The following TECR variants were observed in gnomAD, a reference collection of about 807,000 sequenced individuals.
The protein encoded by TECR is very-long-chain enoyl-CoA reductase.
TECR carries 19 observed loss-of-function variants against 50.6 expected under a neutral mutation model. The observed-to-expected ratio is 0.38, with a 90% CI of 0.26 to 0.55. The LOEUF is 0.55. Among genes scored for constraint, TECR ranks in the 20% least tolerant of loss-of-function variants. The pLI is 0.79. For synonymous variants in TECR, 168 were observed against 163.5 expected, an observed-to-expected ratio of 1.03 and a Z score of -0.21; for missense variants, 313 against 408.3, an observed-to-expected ratio of 0.77 and a Z score of 2.01.
At chr19:14,550,899 T>C (rs1259881141) in intron 1 of TECR, among the ~76,000 whole-genome samples, 1 of 151,964 alleles carries the variant, frequency 6.6e-6, no homozygotes, top group East Asian at 1.9e-4. Context: ...GTCGAACTCC[T>C]GACCTCAGAT....
rs1978626 is a variant in TECR, at chr19:14,560,229, G to T, written c.16-2296G>T. 1.1e-3 allele frequency among the ~76,000 whole-genome samples: 168 copies of T among 151,750 alleles called. 1 individual carries two copies. The highest frequency in any genetic ancestry group is 2.0e-3 in the Non-Finnish European group (134 of 67,858). On this transcript the variant is annotated intron_variant, in intron 1 of 12. Coordinates refer to ENST00000215567, the MANE Select transcript of TECR (RefSeq NM_138501.6). The stretch of plus-strand genomic sequence containing the variant: ...TTGGTGCCCAGGTTGGGGGGAGCAG[G>T]GTACGATTTCACCCCTCCCACTAGC...
chr19:14,544,114 A>G (rs73002851), intron 1 of TECR, among the ~76,000 whole-genome samples: 50,381 of 151,602 alleles, frequency 0.33, 9,039 homozygotes, highest in Non-Finnish European at 0.42. Context: ...TCCCTATCCA[A>G]ATACTGGTGT....
At chr19:14,530,941 CT>C (rs143542844) in intron 1 of TECR, 1 of 152,330 alleles carries the variant, frequency 6.6e-6, no homozygotes, top group African/African-American at 2.4e-5. Flanking sequence ...CTCCCCATTC[CT>C]CTCCACCTCC....
chr19:14,540,038 C>T (rs931414994), intron 1 of TECR, among the ~76,000 whole-genome samples: 4 of 151,242 alleles, frequency 2.6e-5, no homozygotes, highest in African/African-American at 9.7e-5. Flanking sequence ...CGCCACCATG[C>T]CTGGCTAATT....
At chr19:14,558,473 G>GTGC (rs1193210700) in intron 1 of TECR, among the ~76,000 whole-genome samples, 2 of 152,164 alleles carry the variant, frequency 1.3e-5, no homozygotes, top group Non-Finnish European at 2.9e-5. Context: ...CCCTGACCTC[G>GTGC]TGCTGCGACG....
At chr19:14,551,895 TTC>T (rs140348006) in intron 1 of TECR, among the ~76,000 whole-genome samples, 2,116 of 145,146 alleles carry the variant, frequency 0.015, 23 homozygotes, top group Non-Finnish European at 0.024. Context: ...TTTCTTTCCT[TTC>T]TCTCTCTCTC....
chr19:14,557,104 T>G (rs1322408909), intron 1 of TECR, among the ~76,000 whole-genome samples: 1 of 145,210 alleles, frequency 6.9e-6, no homozygotes, highest in African/African-American at 2.5e-5. Flanking sequence ...TCTGCTAGTG[T>G]TGGTCTAATC....
chr19:14,549,563 G>C (rs1456689673), intron 1 of TECR, among the ~76,000 whole-genome samples: 2 of 152,034 alleles, frequency 1.3e-5, no homozygotes, highest in Non-Finnish European at 2.9e-5. Context: ...TTGGGCTCAA[G>C]TGATCCTCCT....
intron 1 of TECR, among the ~76,000 whole-genome samples, chr19:14,534,347 A>C (rs1311383680): frequency 2.1e-5 from 3 of 140,078 alleles, no homozygotes; most frequent in Admixed American, 1.5e-4. Flanking sequence ...GATGGTCTCG[A>C]TCTCCTGACC....
chr19:14,555,333 C>T (rs1460164284), intron 1 of TECR, among the ~76,000 whole-genome samples: 1 of 151,434 alleles, frequency 6.6e-6, no homozygotes, highest in Admixed American at 6.6e-5. Flanking sequence ...ACTGCAACCT[C>T]TGCCTCCTGG....
chr19:14,531,940 T>C (rs929550660), intron 1 of TECR: 1 of 150,056 alleles, frequency 6.7e-6, no homozygotes, highest in African/African-American at 2.5e-5. Flanking sequence ...GCCCAGGAGG[T>C]TGAGGCTGCA....
chr19:14,546,180 A>G (rs754619797), intron 1 of TECR, among the ~76,000 whole-genome samples: 9 of 152,006 alleles, frequency 5.9e-5, no homozygotes, highest in Non-Finnish European at 8.8e-5. Context: ...GCTGGGGGCT[A>G]CTCAGCTGGG....
At chr19:14,557,933 T>A (rs1320687105) in intron 1 of TECR, among the ~76,000 whole-genome samples, 1 of 151,670 alleles carries the variant, frequency 6.6e-6, no homozygotes, top group Non-Finnish European at 1.5e-5. Context: ...TTTTTTGTAT[T>A]TTTAGTAGAG....
chr19:14,562,663 C>T, intron 2 of TECR, 88 bp downstream of exon 2: 2 of 1,453,410 alleles, frequency 1.4e-6, no homozygotes, highest in South Asian at 1.1e-5. Context: ...CAGTGGGGCC[C>T]TTTGTGCCCC....
intron 1 of TECR, among the ~76,000 whole-genome samples, chr19:14,541,426 T>TTG (rs2073093635): frequency 6.6e-6 from 1 of 152,328 alleles, no homozygotes; most frequent in Admixed American, 6.5e-5. Context: ...ACCGCACAGG[T>TTG]TGTGGGCAGG....
intron 2 of TECR, 105 bp downstream of exon 2, chr19:14,562,680 TG>T: frequency 1.5e-6 from 2 of 1,320,488 alleles, no homozygotes; most frequent in Non-Finnish European, 2.2e-6. Context: ...CCCCACCCCC[TG>T]CCCTATGGAG....
intron 1 of TECR, among the ~76,000 whole-genome samples, chr19:14,552,971 C>G (rs557713549): frequency 1.3e-5 from 2 of 152,092 alleles, no homozygotes; most frequent in Non-Finnish European, 2.9e-5. Context: ...TGGGCCAGTG[C>G]TCCTCGGAGG....
chr19:14,527,837 T>C (rs1439385409), upstream of TECR: 1 of 151,956 alleles, frequency 6.6e-6, no homozygotes, highest in African/African-American at 2.4e-5. Context: ...GGAGAGGAGG[T>C]GAAGAAGTGT....
Position 14,565,808 on chromosome 19 carries a change from C to G in TECR, c.864C>G (p.Ser288Arg), listed in dbSNP as rs745697598. The change falls in exon 13 of 13, where the codon AGC becomes AGG. Residue 288 changes from serine to arginine, a missense_variant. Physicochemically the swap from Ser to Arg is moderately radical, Grantham distance 110 (BLOSUM62 -1). Coordinates refer to ENST00000215567, the MANE Select transcript of TECR (RefSeq NM_138501.6). ...MTIWAKGKHR[S>R]YLKEFRDYPP... ...TCTGGGCCAAGGGCAAGCACCGCAG[C>G]TACCTGAAGGAGTTCCGGGACTACC... 1 of 1,603,246 alleles carries G rather than the reference C, an allele frequency of 6.2e-7. No individual in the cohort carries two copies. The highest frequency in any genetic ancestry group is 2.3e-5 in the East Asian group (1 of 44,378).
Sources: allele counts gnomAD v4.1 joint callset (sites outside exome capture counted in the v4.1 genomes callset), GRCh38; gene constraint gnomAD v4.1.1; transcripts MANE v1.5; gene names NCBI Gene and HGNC (gene_info 2026-07-23, HGNC 2026-07-21).